ADAMTS5: variants seen among roughly 807,000 people sequenced by gnomAD.
ADAMTS5 encodes the protein ADAM metallopeptidase with thrombospondin type 1 motif 5.
A neutral mutation model predicts 81.4 loss-of-function variants in ADAMTS5; 54 were observed. The ratio of observed to expected loss-of-function variants is 0.66; its 90% CI spans 0.53 to 0.83. The LOEUF (loss-of-function observed/expected upper bound fraction) is 0.83. Ranked by LOEUF, ADAMTS5 falls within the 40% of genes least tolerant of loss-of-function variation. ADAMTS5 has a pLI of 0.00. For missense variants in ADAMTS5, 1,194 were observed against 1,229.9 expected (o/e 0.97, Z 0.44); for synonymous variants, 532 against 508.8 (o/e 1.05, Z -0.61).
rs1301214378 is a variant in ADAMTS5, at chr21:26,934,651, C to T, written c.1504G>A (p.Gly502Arg). 17 of 1,613,998 alleles carry T rather than the reference C, an allele frequency of 1.1e-5. No individual in the cohort carries two copies. The highest frequency in any genetic ancestry group is 2.2e-5 in the East Asian group (1 of 44,884). ...CCGGGACACACGGAGTACTCAGGCC[C>T]GAATGTCAGGTTGCACTGCTGGGTG... Reference protein sequence around the residue: ...DATQQCNLTFGPEYSVCPGMD... With the variant: ...DATQQCNLTFRPEYSVCPGMD... The change falls in exon 4 of 8, where the codon GGG (glycine) becomes AGG (arginine). Residue 502 changes from glycine to arginine, a missense_variant. Around this residue, in one of 2 missense-constraint regions of ADAMTS5, gnomAD observed 696 missense variants for 817.6 expected, o/e 0.85. Coordinates refer to ENST00000284987, the MANE Select transcript of ADAMTS5 (RefSeq NM_007038.5).
At chr21:26,940,157 C>T (rs1046824223) in intron 3 of ADAMTS5, among the ~76,000 whole-genome samples, 3 of 152,150 alleles carry the variant, frequency 2.0e-5, no homozygotes, top group Admixed American at 6.6e-5. Context: ...TAACTTTACT[C>T]TCCGACCTCA....
At position 26,965,901 on chromosome 21, in the gene ADAMTS5, G is replaced by A. The variant is rs368988798; in HGVS notation, c.491C>T (p.Thr164Ile). 1.2e-6 allele frequency: 2 copies of A among 1,613,948 alleles called. No homozygotes were observed. Among genetic ancestry groups the A allele is most frequent in the Non-Finnish European group, 1.7e-6 (2 of 1,179,952 alleles). ...GFFAVKHARY[T>I]LKPLLRGPWA... ...GGGTCCGCGCAGCAGTGGCTTTAGG[G>A]TGTAGCGCGCGTGCTTGACCGCGAA... The change falls in exon 1 of 8, where the codon ACC becomes ATC. Residue 164 changes from threonine to isoleucine, a missense_variant. Thr to Ile is a moderately conservative substitution (Grantham distance 89, BLOSUM62 -1). Transcript: ENST00000284987.
chr21:26,943,911 T>C (rs1472573406), intron 2 of ADAMTS5, among the ~76,000 whole-genome samples: 1 of 152,214 alleles, frequency 6.6e-6, no homozygotes, highest in Admixed American at 6.5e-5. Flanking sequence ...TTGTCTAATT[T>C]TCTGCCTTCT....
intron 2 of ADAMTS5, 137 bp downstream of exon 2, chr21:26,954,602 C>G: frequency 1.5e-6 from 2 of 1,303,820 alleles, no homozygotes; most frequent in African/African-American, 3.0e-5. Context: ...CTTAAAAGTG[C>G]AGATATAAAC....
chr21:26,964,898 T>A (rs1331960696), intron 1 of ADAMTS5, among the ~76,000 whole-genome samples: 1 of 152,218 alleles, frequency 6.6e-6, no homozygotes, highest in Non-Finnish European at 1.5e-5. Context: ...AGGTTATATT[T>A]TATTTTCACT....
chr21:26,966,261 C>G lies in ADAMTS5; in HGVS notation c.131G>C (p.Arg44Pro). Residue 44 changes from arginine (R) to proline (P), a missense_variant, in exon 1 of 8, where the codon CGC becomes CCC. Arg to Pro is a moderately radical substitution (Grantham distance 103). Around this residue, in one of 2 missense-constraint regions of ADAMTS5, gnomAD observed 498 missense variants for 412.3 expected, o/e 1.21. Transcript: ENST00000284987. Reference sequence around the variant, plus strand: ...CTGCACCTCCTCCCCCTGCCGCCGGCGGGGCTGGGCGGCTGCTGCAGCAGT... The same window carrying G: ...CTGCACCTCCTCCCCCTGCCGCCGGGGGGGCTGGGCGGCTGCTGCAGCAGT... ...PPTAAAAAQP[R>P]RRQGEEVQER... The G allele has an allele frequency of 6.3e-7, 1 of 1,580,552 alleles. No homozygotes were observed. The highest frequency in any genetic ancestry group is 8.6e-7 in the Non-Finnish European group (1 of 1,166,610).
chr21:26,937,042 T>C (rs761852411), intron 3 of ADAMTS5, among the ~76,000 whole-genome samples: 2 of 152,238 alleles, frequency 1.3e-5, no homozygotes, highest in African/African-American at 2.4e-5. Flanking sequence ...ACTGGGTAAC[T>C]AAATATTAGC....
chr21:26,949,705 A>G (rs550110505), intron 2 of ADAMTS5, among the ~76,000 whole-genome samples: 6 of 152,304 alleles, frequency 3.9e-5, no homozygotes, highest in South Asian at 2.1e-4. Flanking sequence ...AAATCTCTCA[A>G]TATTCCTCAA....
intron 6 of ADAMTS5, 111 bp from the exon 7 acceptor site, chr21:26,930,172 A>T: frequency 1.3e-5 from 12 of 952,500 alleles, no homozygotes; most frequent in South Asian, 1.1e-4. Context: ...TGGTATGGAC[A>T]GTCCATTGAA....
intron 1 of ADAMTS5, among the ~76,000 whole-genome samples, chr21:26,959,517 C>T (rs181327605): frequency 1.1e-4 from 16 of 152,270 alleles, no homozygotes; most frequent in South Asian, 1.0e-3. Flanking sequence ...TCATCACATA[C>T]GTTATTCTTG....
Position 26,924,476 on chromosome 21 carries a change from G to A in ADAMTS5, c.2370C>T (p.Tyr790=), listed in dbSNP as rs754767030. ...TGATAGTCTCTGAAGTGGAGATCAT[G>A]TACTTTCCATTGATAAGGTACTCAC... The part of the protein sequence containing the change: ...KNGEYLINGK[Y]MISTSETIID... Residue 790 remains tyrosine, a synonymous_variant, in exon 8 of 8, where the codon TAC becomes TAT. Transcript: ENST00000284987. 1 of 1,614,202 alleles carries A rather than the reference G, an allele frequency of 6.2e-7. No homozygotes were observed. Among genetic ancestry groups the A allele is most frequent in the South Asian group, 1.1e-5 (1 of 91,092 alleles).
At position 26,923,872 on chromosome 21, in the gene ADAMTS5, C is replaced by T. The variant is rs1986748123; in HGVS notation, c.*181G>A. 1.7e-6 allele frequency: 1 copy of T among 597,576 alleles called. No individual in the cohort carries two copies. Among genetic ancestry groups the T allele is most frequent in the Non-Finnish European group, 2.8e-6 (1 of 356,510 alleles). The allele number at this position is 597,576 out of a possible 1,614,324, so 37.0% of individuals were successfully genotyped here. On this transcript the variant is annotated 3_prime_UTR_variant, in exon 8 of 8. Transcript: ENST00000284987. ...TTCTATATTGCAAGGTCACCACTGTCACGTGAAGCAGTGCACATCCTCTTT... is the reference window on the plus strand; with the variant it reads ...TTCTATATTGCAAGGTCACCACTGTTACGTGAAGCAGTGCACATCCTCTTT...
At chr21:26,931,574 T>C (rs559797535) in intron 6 of ADAMTS5, among the ~76,000 whole-genome samples, 1 of 152,286 alleles carries the variant, frequency 6.6e-6, no homozygotes, top group Admixed American at 6.5e-5. Flanking sequence ...GAGTCAGAGG[T>C]ATATGATCTT....
chr21:26,943,427 G>A lies in ADAMTS5; in HGVS notation c.1358C>T (p.Ser453Phe). The change falls in exon 3 of 8, where the codon TCC becomes TTC. Residue 453 changes from serine to phenylalanine, a missense_variant. Transcript: ENST00000284987. ...LTSIDASKPWSKCTSATITEF... is the reference protein window; with the variant it reads ...LTSIDASKPWFKCTSATITEF... ...TGTGATGGTGGCTGAAGTGCATTTG[G>A]ACCAGGGCTTAGATGCATCAATGCT... 2 of 1,613,622 alleles carry A rather than the reference G, an allele frequency of 1.2e-6. No individual in the cohort carries two copies. The highest frequency in any genetic ancestry group is 8.5e-7 in the Non-Finnish European group (1 of 1,179,728).
chr21:26,965,345 G>A lies in ADAMTS5; in HGVS notation c.1047C>T (p.Asn349=). The A allele has an allele frequency of 1.2e-6, 2 of 1,614,272 alleles. No homozygotes were observed. The highest frequency in any genetic ancestry group is 1.7e-6 in the Non-Finnish European group (2 of 1,180,042). Residue 349 remains asparagine (N), a synonymous_variant, in exon 1 of 8, where the codon AAC becomes AAT. Transcript: ENST00000284987. ...KNFCKWQHQH[N]QLGDDHEEHY... is the part of the protein sequence containing the mutation. ...GCTCCTCATGGTCATCTCCCAGCTG[G>A]TTGTGTTGGTGCTGCCACTTGCAAA...
intron 3 of ADAMTS5, among the ~76,000 whole-genome samples, chr21:26,938,992 A>G (rs1474450059): frequency 6.6e-6 from 1 of 152,166 alleles, no homozygotes; most frequent in Non-Finnish European, 1.5e-5. Flanking sequence ...AATCAAACTC[A>G]TCCGAAGAAG....
At chr21:26,965,197 G>A in intron 1 of ADAMTS5, 91 bp downstream of exon 1, 2 of 1,512,364 alleles carry the variant, frequency 1.3e-6, no homozygotes, top group South Asian at 2.6e-5. Context: ...GCTGCAGGAG[G>A]TTTGAGGGAG....
Position 26,954,779 on chromosome 21 carries a change from G to A in ADAMTS5, c.1197C>T (p.Asp399=), listed in dbSNP as rs765470451. Residue 399 remains aspartate (D), a synonymous_variant, in exon 2 of 8, where the codon GAC becomes GAT. Coordinates refer to ENST00000284987, the MANE Select transcript of ADAMTS5 (RefSeq NM_007038.5). ...SPERSCAVIE[D]DGLHAAFTVA... is the part of the protein sequence containing the mutation. ...CAGTGAAGGCTGCGTGGAGGCCATC[G>A]TCTTCAATCACAGCACAGCTGCGCT... 39 of 1,613,982 alleles carry A rather than the reference G, an allele frequency of 2.4e-5. No homozygotes were observed. Among genetic ancestry groups the A allele is most frequent in the South Asian group, 9.9e-5 (9 of 91,088 alleles).
rs148122087 is a variant in ADAMTS5 at position 26,933,913 on chromosome 21, C to T, written c.1689+553G>A. ...GCGAGCACTTATTTTACTTAGGCCTCGAAAATTAATAGGGCAGTTGCTGAC... is the reference window on the plus strand; with the variant it reads ...GCGAGCACTTATTTTACTTAGGCCTTGAAAATTAATAGGGCAGTTGCTGAC... On this transcript the variant is annotated intron_variant, in intron 4 of 7. Coordinates refer to ENST00000284987, the MANE Select transcript of ADAMTS5 (RefSeq NM_007038.5). Among the ~76,000 whole-genome samples the T allele has an allele frequency of 4.1e-3, 619 of 152,122 alleles. 4 individuals are homozygous for T. Among genetic ancestry groups the T allele is most frequent in the African/African-American group, 0.013 (541 of 41,472 alleles).
Sources: allele counts gnomAD v4.1 joint callset (sites outside exome capture counted in the v4.1 genomes callset), GRCh38; gene constraint gnomAD v4.1.1; regional missense constraint gnomAD v4.1.1; transcripts MANE v1.5; gene names NCBI Gene and HGNC (gene_info 2026-07-23, HGNC 2026-07-21).